PDE4D: variants seen among roughly 807,000 people sequenced by gnomAD.
The protein encoded by PDE4D is phosphodiesterase 4D.
Under a neutral mutation model 87.4 loss-of-function variants are expected in PDE4D, and 24 were observed. The observed-to-expected ratio is 0.27, with a 90% confidence interval of 0.20 to 0.39. PDE4D has a LOEUF of 0.39. Ranked by LOEUF, PDE4D falls within the 10% of genes least tolerant of loss-of-function variation. PDE4D has a pLI of 1.00. For synonymous variants in PDE4D, 384 were observed against 383.2 expected, an observed-to-expected ratio of 1.00 and a Z score of -0.02; for missense variants, 714 against 1,041.0, an observed-to-expected ratio of 0.69 and a Z score of 4.32.
At chr5:59,217,232 C>T (rs939778691) in intron 1 of PDE4D, 2 of 455,736 alleles carry the variant, frequency 4.4e-6, no homozygotes, top group Non-Finnish European at 8.8e-6. Context: ...TATGATAGCC[C>T]AGCAGGTGTG....
intron 6 of PDE4D, among the ~76,000 whole-genome samples, chr5:59,004,709 C>T (rs1237597334): frequency 6.6e-6 from 1 of 152,180 alleles, no homozygotes; most frequent in Non-Finnish European, 1.5e-5. Context: ...TGTTTTTTCA[C>T]CTATGTGAAT....
chr5:60,308,116 G>T (rs575449061), intron 1 of PDE4D, among the ~76,000 whole-genome samples: 3 of 152,144 alleles, frequency 2.0e-5, no homozygotes, highest in South Asian at 4.1e-4. Flanking sequence ...ATTTAAAAAT[G>T]GAGATGTTTC....
intron 1 of PDE4D, among the ~76,000 whole-genome samples, chr5:60,317,694 T>C (rs1755768352): frequency 6.6e-6 from 1 of 152,246 alleles, no homozygotes; most frequent in South Asian, 2.1e-4. Flanking sequence ...TGTGTCTTTG[T>C]TCTCATTGGT....
At chr5:59,133,899 A>G (rs1776642491) in intron 5 of PDE4D, among the ~76,000 whole-genome samples, 1 of 152,092 alleles carries the variant, frequency 6.6e-6, no homozygotes, top group East Asian at 1.9e-4. Flanking sequence ...TATGCACAGA[A>G]AAATTGCTCA....
chr5:60,279,625 T>G (rs1421414232), intron 1 of PDE4D, among the ~76,000 whole-genome samples: 2 of 152,102 alleles, frequency 1.3e-5, no homozygotes, highest in African/African-American at 4.8e-5. Context: ...AAAGCATGCT[T>G]TTGTTAAGAA....
At chr5:60,058,270 C>G (rs1508859) in intron 2 of PDE4D, among the ~76,000 whole-genome samples, 3 of 151,650 alleles carry the variant, frequency 2.0e-5, no homozygotes, top group African/African-American at 7.3e-5. Context: ...AAACTTTGAG[C>G]CTTCTTGATT....
At chr5:60,382,196 A>G (rs1313879822) in intron 1 of PDE4D, among the ~76,000 whole-genome samples, 1 of 152,150 alleles carries the variant, frequency 6.6e-6, no homozygotes, top group Non-Finnish European at 1.5e-5. Flanking sequence ...ATATTTATAT[A>G]TGAAATAGTT....
intron 1 of PDE4D, among the ~76,000 whole-genome samples, chr5:59,478,613 G>A (rs1803715604): frequency 6.6e-6 from 1 of 151,958 alleles, no homozygotes; most frequent in African/African-American, 2.4e-5. Context: ...AATCCTTTTA[G>A]AAAACAGTTC....
At position 60,120,186 on chromosome 5, in the gene PDE4D, C is replaced by T. The variant is rs543542126; in HGVS notation, c.42+65371G>A. ...TTTTAGCTGTTCATCAAATTCTTCT[C>T]CAATATGTCCATTGCATTAGAACAA... On this transcript the variant is annotated intron_variant, in intron 2 of 16. Transcript: ENST00000502484. 8.5e-5 allele frequency among the ~76,000 whole-genome samples: 13 copies of T among 152,302 alleles called. No individual in the cohort carries two copies. The South Asian group carries it at 2.7e-3, about 32-fold the overall frequency.
At chr5:59,441,050 TA>T (rs746040143) in intron 1 of PDE4D, among the ~76,000 whole-genome samples, 1 of 152,212 alleles carries the variant, frequency 6.6e-6, no homozygotes, top group African/African-American at 2.4e-5. Context: ...TTCACCTTTC[TA>T]AAAGTGCTAT....
intron 1 of PDE4D, among the ~76,000 whole-genome samples, chr5:59,667,039 G>A (rs1004642792): frequency 6.6e-6 from 1 of 152,128 alleles, no homozygotes; most frequent in African/African-American, 2.4e-5. Context: ...GACAGCTTAG[G>A]AAATGTCAAA....
intron 1 of PDE4D, among the ~76,000 whole-genome samples, chr5:59,388,984 G>T (rs1787686330): frequency 6.6e-6 from 1 of 151,980 alleles, no homozygotes; most frequent in South Asian, 2.1e-4. Context: ...AAACCTTCTA[G>T]ACTTTAATTG....
intron 5 of PDE4D, among the ~76,000 whole-genome samples, chr5:59,178,092 T>A (rs562104687): frequency 6.6e-6 from 1 of 152,204 alleles, no homozygotes; most frequent in Admixed American, 6.5e-5. Context: ...GTGTCTCAAA[T>A]CTTACTAATG....
chr5:59,732,850 T>C (rs1757564276), intron 1 of PDE4D, among the ~76,000 whole-genome samples: 1 of 152,162 alleles, frequency 6.6e-6, no homozygotes, highest in African/African-American at 2.4e-5. Flanking sequence ...AAGTAAGTTG[T>C]GAATAATAAC....
Position 59,593,690 on chromosome 5 carries a change from G to A in PDE4D, c.455+299478C>T, listed in dbSNP as rs111500383. 7.0e-3 allele frequency among the ~76,000 whole-genome samples: 1,059 copies of A among 152,250 alleles called. 17 individuals are homozygous for A. The highest frequency in any genetic ancestry group is 0.024 in the African/African-American group (1,010 of 41,550). ...AGGCTATGGAGAATCACAACATACC[G>A]GAGCAGAAACCTCCAAGAGAACCAG... On this transcript the variant is annotated intron_variant, in intron 1 of 14. Coordinates refer to ENST00000340635, the MANE Select transcript of PDE4D (RefSeq NM_001104631.2).
At chr5:59,326,751 C>T (rs909442994) in intron 1 of PDE4D, among the ~76,000 whole-genome samples, 11 of 152,056 alleles carry the variant, frequency 7.2e-5, no homozygotes, top group Admixed American at 2.0e-4. Context: ...CATATTATTT[C>T]GAAATAGATG....
chr5:60,391,340 C>T (rs1762550343), intron 1 of PDE4D, among the ~76,000 whole-genome samples: 1 of 152,160 alleles, frequency 6.6e-6, no homozygotes, highest in East Asian at 1.9e-4. Flanking sequence ...GATTAGTTTC[C>T]TACTGCTACT....
At chr5:60,507,713 A>G (rs1320463932) in intron 1 of PDE4D, among the ~76,000 whole-genome samples, 1 of 152,196 alleles carries the variant, frequency 6.6e-6, no homozygotes, top group African/African-American at 2.4e-5. Context: ...CACCACCCCA[A>G]ATAGAATTTA....
intron 2 of PDE4D, among the ~76,000 whole-genome samples, chr5:59,200,181 ATAT>A (rs1561689653): frequency 1.1e-4 from 8 of 73,606 alleles, no homozygotes; most frequent in Non-Finnish European, 3.0e-4. Flanking sequence ...GTGTATGTAT[ATAT>A]GTATACATAC....
Sources: allele counts gnomAD v4.1 joint callset (sites outside exome capture counted in the v4.1 genomes callset), GRCh38; gene constraint gnomAD v4.1.1; transcripts MANE v1.5; gene names NCBI Gene and HGNC (gene_info 2026-07-23, HGNC 2026-07-21).